Variants in PPARGC1A observed in about 807,000 individuals in gnomAD.
PPARGC1A encodes the protein peroxisome proliferator-activated receptor gamma coactivator 1-alpha.
PPARGC1A carries 25 observed loss-of-function variants against 88.7 expected under a neutral mutation model. That is an observed-to-expected ratio of 0.28 (90% CI 0.21 to 0.39). The LOEUF (loss-of-function observed/expected upper bound fraction) is 0.39. Ranked by LOEUF, PPARGC1A falls within the 10% of genes least tolerant of loss-of-function variation. The pLI, the probability that PPARGC1A is intolerant of heterozygous loss-of-function variation, is 1.00. For missense variants in PPARGC1A, 880 were observed against 968.7 expected, an observed-to-expected ratio of 0.91 and a Z score of 1.22; for synonymous variants, 363 against 355.6, an observed-to-expected ratio of 1.02 and a Z score of -0.24.
the PPARGC1A span, among the ~76,000 whole-genome samples, chr4:24,098,152 C>T: frequency 6.6e-6 from 1 of 152,162 alleles, no homozygotes; most frequent in Non-Finnish European, 1.5e-5. Flanking sequence ...AAAACCTATA[C>T]AGATTCTGTA....
At chr4:24,248,661 G>A in the PPARGC1A span, among the ~76,000 whole-genome samples, 1 of 152,172 alleles carries the variant, frequency 6.6e-6, no homozygotes, top group African/African-American at 2.4e-5. Flanking sequence ...TAACCTCTCA[G>A]TGTCTTAATT....
the PPARGC1A span, among the ~76,000 whole-genome samples, chr4:24,028,231 G>T: frequency 2.0e-5 from 3 of 152,256 alleles, no homozygotes; most frequent in East Asian, 5.8e-4. Flanking sequence ...AATGGGCAGA[G>T]ATTTAAAATG....
chr4:23,971,597 G>A, the PPARGC1A span, among the ~76,000 whole-genome samples: 1 of 152,166 alleles, frequency 6.6e-6, no homozygotes, highest in East Asian at 1.9e-4. Flanking sequence ...AAAGATGTAG[G>A]CTGGGCGGCT....
At chr4:24,281,335 C>T in the PPARGC1A span, among the ~76,000 whole-genome samples, 1 of 152,348 alleles carries the variant, frequency 6.6e-6, no homozygotes, top group Admixed American at 6.5e-5. Flanking sequence ...TCAGCATCTA[C>T]ATCTGGTGAG....
chr4:23,887,567 A>T (rs920716665), intron 1 of PPARGC1A, among the ~76,000 whole-genome samples: 1 of 152,220 alleles, frequency 6.6e-6, no homozygotes, highest in African/African-American at 2.4e-5. Context: ...ATTTAAGAGG[A>T]TAAAGCAGTC....
At chr4:24,053,298 T>C in the PPARGC1A span, among the ~76,000 whole-genome samples, 1 of 152,100 alleles carries the variant, frequency 6.6e-6, no homozygotes, top group Non-Finnish European at 1.5e-5. Context: ...TCAAATCAAA[T>C]AGAGATCCAA....
chr4:24,264,533 C>A, the PPARGC1A span, among the ~76,000 whole-genome samples: 1 of 152,268 alleles, frequency 6.6e-6, no homozygotes, highest in Non-Finnish European at 1.5e-5. Flanking sequence ...ACACTCGACT[C>A]TACCACCTAT....
At chr4:24,383,422 C>T in the PPARGC1A span, among the ~76,000 whole-genome samples, 1 of 152,094 alleles carries the variant, frequency 6.6e-6, no homozygotes, top group Non-Finnish European at 1.5e-5. Flanking sequence ...TAATAACAAA[C>T]TCCTCCGAGC....
At chr4:23,901,402 G>A (rs1719351444), upstream of PPARGC1A, among the ~76,000 whole-genome samples, 2 of 148,862 alleles carry the variant, frequency 1.3e-5, no homozygotes, top group Admixed American at 6.7e-5. Context: ...TAAGTAGCTG[G>A]GCATGGTGGC....
At chr4:24,454,288 GT>G in the PPARGC1A span, among the ~76,000 whole-genome samples, 599 of 145,718 alleles carry the variant, frequency 4.1e-3, 4 homozygotes, top group African/African-American at 0.01. Context: ...ATGGTTGCTG[GT>G]TTTTTTTTTT....
chr4:24,134,900 A>G, the PPARGC1A span, among the ~76,000 whole-genome samples: 1 of 152,188 alleles, frequency 6.6e-6, no homozygotes, highest in Non-Finnish European at 1.5e-5. Flanking sequence ...AAGTGGACAA[A>G]GAAAAATGTA....
chr4:24,096,014 C>A, the PPARGC1A span, among the ~76,000 whole-genome samples: 4 of 152,100 alleles, frequency 2.6e-5, no homozygotes, highest in Non-Finnish European at 5.9e-5. Flanking sequence ...GGATTTGTGT[C>A]CCCACCCAAA....
intron 10 of PPARGC1A, among the ~76,000 whole-genome samples, chr4:23,805,996 A>C (rs1719738091): frequency 6.6e-6 from 1 of 152,208 alleles, no homozygotes; most frequent in Non-Finnish European, 1.5e-5. Context: ...CATACAAAAT[A>C]TAAACCAGAG....
At chr4:24,242,861 C>A in the PPARGC1A span, among the ~76,000 whole-genome samples, 3 of 152,076 alleles carry the variant, frequency 2.0e-5, no homozygotes, top group Non-Finnish European at 4.4e-5. Flanking sequence ...TCCCTCCCAG[C>A]CTCAGAACCC....
At chr4:24,370,373 G>A in the PPARGC1A span, among the ~76,000 whole-genome samples, 7 of 151,994 alleles carry the variant, frequency 4.6e-5, no homozygotes, top group African/African-American at 9.7e-5. Context: ...TAATAGCGAC[G>A]GTGTATAGAC....
the PPARGC1A span, among the ~76,000 whole-genome samples, chr4:24,042,184 G>A: frequency 5.9e-5 from 9 of 152,198 alleles, no homozygotes; most frequent in East Asian, 5.8e-4. Flanking sequence ...TACCAGCCCC[G>A]CTCAGCATTC....
the PPARGC1A span, among the ~76,000 whole-genome samples, chr4:23,925,721 T>A: frequency 6.6e-6 from 1 of 152,110 alleles, no homozygotes; most frequent in African/African-American, 2.4e-5. Context: ...TGTGAGGAGG[T>A]ATAGCAGAAT....
chr4:24,291,250 A>G, the PPARGC1A span, among the ~76,000 whole-genome samples: 4 of 152,190 alleles, frequency 2.6e-5, no homozygotes, highest in African/African-American at 9.6e-5. Context: ...AAAACTGCCC[A>G]TTTAACACTC....
the PPARGC1A span, among the ~76,000 whole-genome samples, chr4:24,207,241 C>T: frequency 3.9e-5 from 6 of 152,248 alleles, no homozygotes; most frequent in Non-Finnish European, 5.9e-5. Flanking sequence ...TTTTTGAATT[C>T]ACACTTTTTG....
Sources: allele counts gnomAD v4.1 joint callset (sites outside exome capture counted in the v4.1 genomes callset), GRCh38; gene constraint gnomAD v4.1.1; transcripts MANE v1.5; gene names NCBI Gene and HGNC (gene_info 2026-07-23, HGNC 2026-07-21).